Variants in TNXB observed in about 807,000 individuals in gnomAD.
TNXB encodes the protein tenascin XB.
A neutral mutation model predicts 340.5 loss-of-function variants in TNXB; 183 were observed. That is an observed-to-expected ratio of 0.54 (90% CI 0.48 to 0.61). The LOEUF is 0.61. Ranked by LOEUF, TNXB falls within the 20% of genes least tolerant of loss-of-function variation. The pLI is 0.00. For missense variants in TNXB, 4,613 were observed against 5,446.4 expected (o/e 0.85, Z 4.82); for synonymous variants, 2,121 against 2,314.5 (o/e 0.92, Z 2.40).
At chr6:32,043,382 C>T in intron 36 of TNXB, 55 bp downstream of exon 36, 2 of 450,634 alleles carry the variant, frequency 4.4e-6, no homozygotes, top group South Asian at 2.2e-5. Flanking sequence ...TCCAGCCTCC[C>T]CCCTGCAATC....
chr6:32,055,029 C>G (rs1294711277), intron 24 of TNXB, among the ~76,000 whole-genome samples: 1 of 152,234 alleles, frequency 6.6e-6, no homozygotes, highest in African/African-American at 2.4e-5. Context: ...ATCACCCATC[C>G]AGCTAATCTG....
intron 21 of TNXB, among the ~76,000 whole-genome samples, chr6:32,060,293 T>C (rs1357278118): frequency 4.8e-5 from 7 of 145,004 alleles, no homozygotes; most frequent in East Asian, 2.2e-4. Flanking sequence ...GATCATGCCA[T>C]TGCACTCCAG....
chr6:32,105,733 A>G (rs1223940653), intron 1 of TNXB, among the ~76,000 whole-genome samples: 1 of 152,228 alleles, frequency 6.6e-6, no homozygotes, highest in East Asian at 1.9e-4. Context: ...GCAGGACCAG[A>G]TGGTACAAGC....
intron 6 of TNXB, 123 bp downstream of exon 6, chr6:32,088,661 CG>C: frequency 7.2e-7 from 1 of 1,387,006 alleles, no homozygotes; most frequent in Non-Finnish European, 9.7e-7. Flanking sequence ...GCAGGTGCCT[CG>C]AGACTGCCAC....
chr6:32,041,523 T>G (rs1048992578), intron 43 of TNXB, 73 bp from the exon 44 acceptor site: 1 of 1,180,386 alleles, frequency 8.5e-7, no homozygotes, highest in Non-Finnish European at 1.2e-6. Context: ...CTTAAGGAGG[T>G]AGCTCCCAGC....
chr6:32,083,958 G>C lies in TNXB; in HGVS notation c.3445+455C>G, dbSNP rs1779621753. ...ATTATAGGCAGGATCAACCCTGCTA[G>C]CCTTTACCAGCTCTTAACTCACTTC... On this transcript the variant is annotated intron_variant, in intron 8 of 43. Transcript: ENST00000644971. This position sits in a 1 kb window ranked among gnomAD's most constrained non-coding sequence, Gnocchi z 4.6. Among the ~76,000 whole-genome samples the C allele has an allele frequency of 6.6e-6, 1 of 152,164 alleles. No homozygotes were observed. The highest frequency in any genetic ancestry group is 1.5e-5 in the Non-Finnish European group (1 of 68,022).
rs1239313362 is a variant in TNXB, at chr6:32,097,046, G to A, written c.807C>T (p.Gly269=). ...TCATGCCACAGTCGTCACCAGTGTA[G>A]CCTGGGTCACACACGCAGCGCCCAC... is the stretch of plus-strand genomic sequence containing the variant. The part of the protein sequence containing the change: ...CEGGRCVCDP[G]YTGDDCGMRS... The change falls in exon 3 of 44, where the codon GGC becomes GGT. Residue 269 remains glycine (G), a synonymous_variant. Coordinates refer to ENST00000644971, the MANE Select transcript of TNXB (RefSeq NM_001365276.2). This position sits in a 1 kb window ranked among gnomAD's most constrained non-coding sequence, Gnocchi z 5.9. The A allele has an allele frequency of 1.9e-6, 3 of 1,613,354 alleles. No homozygotes were observed. In the Admixed American group the frequency reaches 5.0e-5, roughly 27 times the overall value.
At chr6:32,102,514 T>G (rs1780769843) in intron 1 of TNXB, among the ~76,000 whole-genome samples, 1 of 152,052 alleles carries the variant, frequency 6.6e-6, no homozygotes, top group African/African-American at 2.4e-5. Context: ...GAGTAAAAAA[T>G]ATCACACACA....
Position 32,058,057 on chromosome 6 carries a change from C to A in TNXB, c.7825+1G>T, listed in dbSNP as rs1470101620. On this transcript the variant is annotated splice_donor_variant, in intron 22 of 43. Transcript: ENST00000644971. LOFTEE classifies it high-confidence loss of function. The surrounding 1 kb of genome is among the most constrained non-coding windows in gnomAD (Gnocchi z 5.1). ...ACCCTGCCCCACCCACACTCACTCA[C>A]CTGTGACGCCCACGGCAGACACCGG... is the stretch of plus-strand genomic sequence containing the variant. The A allele has an allele frequency of 6.2e-7, 1 of 1,606,468 alleles. No homozygotes were observed.
rs1777376640 is a variant in TNXB at position 32,052,871 on chromosome 6, A to G, written c.8914T>C (p.Trp2972Arg). 8 of 1,613,074 alleles carry G rather than the reference A, an allele frequency of 5.0e-6. No homozygotes were observed. The highest frequency in any genetic ancestry group is 5.9e-6 in the Non-Finnish European group (7 of 1,179,876). The change falls in exon 26 of 44, where the codon TGG becomes CGG. Residue 2972 changes from tryptophan to arginine, a missense_variant. Trp to Arg is a moderately radical substitution (Grantham distance 101, BLOSUM62 -3). Around this residue, in one of 7 missense-constraint regions of TNXB, gnomAD observed 4,327 missense variants for 4,859.4 expected, o/e 0.89. Coordinates refer to ENST00000644971, the MANE Select transcript of TNXB (RefSeq NM_001365276.2). The surrounding 1 kb of genome is among the most constrained non-coding windows in gnomAD (Gnocchi z 4.7). ...GSSPDSLSLS[W>R]TIPQGRFDSF... Reference sequence around the variant, plus strand: ...TCGAAGCGGCCCTGGGGGATGGTCCAGGAGAGGCTCAGCGAGTCAGGGGAG... The same window carrying G: ...TCGAAGCGGCCCTGGGGGATGGTCCGGGAGAGGCTCAGCGAGTCAGGGGAG...
At position 32,066,315 on chromosome 6, in the gene TNXB, G is replaced by C. The variant is rs143955534; in HGVS notation, c.6545-1198C>G. The stretch of plus-strand genomic sequence containing the variant: ...GGGCTGAGATGGGAGGATGGCTTGA[G>C]CCCAGGAGTCTGGGGCTGCAGTGAG... On this transcript the variant is annotated intron_variant, in intron 18 of 43. Transcript: ENST00000644971. Among the ~76,000 whole-genome samples, 40 of 152,288 alleles carry C rather than the reference G, an allele frequency of 2.6e-4. No homozygotes were observed. In the East Asian group the frequency reaches 7.3e-3, roughly 28 times the overall value.
rs571291130 is a variant in TNXB at position 32,064,968 on chromosome 6, C to A, written c.6694G>T (p.Asp2232Tyr). 6.2e-7 allele frequency: 1 copy of A among 1,612,766 alleles called. No homozygotes were observed. The highest frequency in any genetic ancestry group is 8.5e-7 in the Non-Finnish European group (1 of 1,179,800). Residue 2232 changes from aspartate (D) to tyrosine (Y), a missense_variant, in exon 19 of 44, where the codon GAC becomes TAC. Transcript: ENST00000644971. The surrounding 1 kb of genome is among the most constrained non-coding windows in gnomAD (Gnocchi z 5.3). Reference protein sequence around the residue: ...DHFLVQFKNGDGQPKAVRVPG... With the variant: ...DHFLVQFKNGYGQPKAVRVPG... ...ACCCGCACCGCCTTGGGCTGCCCGT[C>A]CCCATTCTTAAACTGGACCAAGAAA... is the stretch of plus-strand genomic sequence containing the variant.
intron 1 of TNXB, among the ~76,000 whole-genome samples, chr6:32,102,495 C>T (rs1780768216): frequency 6.6e-6 from 1 of 152,174 alleles, no homozygotes; most frequent in African/African-American, 2.4e-5. Flanking sequence ...ATTTCACACA[C>T]ATAGTGCTGA....
At position 32,095,982 on chromosome 6, in the gene TNXB, T is replaced by G. The variant is rs1042697787; in HGVS notation, c.1871A>C (p.Asn624Thr). The stretch of plus-strand genomic sequence containing the variant: ...CTCACAGCGGCCCCTCCCGTGGCAG[T>G]TGGAGGGGCAGGTGCGGATGCTGCA... ...EDCSIRTCPSNCHGRGRCEEG... is the reference protein window; with the variant it reads ...EDCSIRTCPSTCHGRGRCEEG... Residue 624 changes from asparagine to threonine, a missense_variant, in exon 3 of 44, where the codon AAC becomes ACC. Around this residue, in one of 7 missense-constraint regions of TNXB, gnomAD observed 4,327 missense variants for 4,859.4 expected, o/e 0.89. Coordinates refer to ENST00000644971, the MANE Select transcript of TNXB (RefSeq NM_001365276.2). The G allele has an allele frequency of 2.9e-5, 47 of 1,612,902 alleles. No individual in the cohort carries two copies. Among genetic ancestry groups the G allele is most frequent in the Non-Finnish European group, 3.9e-5 (46 of 1,179,750 alleles).
In TNXB at chr6:32,069,852, C is replaced by T. The variant is rs778592816; in HGVS notation, c.5288G>A (p.Ser1763Asn). The change falls in exon 15 of 44, where the codon AGT becomes AAT. Residue 1763 changes from serine (S) to asparagine (N), a missense_variant. Around this residue, in one of 7 missense-constraint regions of TNXB, gnomAD observed 4,327 missense variants for 4,859.4 expected, o/e 0.89. Transcript: ENST00000644971. This position sits in a 1 kb window ranked among gnomAD's most constrained non-coding sequence, Gnocchi z 6.2. ...CTTTGTTCCAGTATCATCCATAGCA[C>T]TCCGGGCTTCTGAGATGGAGACACG... Reference protein sequence around the residue: ...LTADGTTEARSAMDDTGTKRP... With the variant: ...LTADGTTEARNAMDDTGTKRP... 4 of 1,587,924 alleles carry T rather than the reference C, an allele frequency of 2.5e-6. No homozygotes were observed. In the Admixed American group the frequency reaches 7.0e-5, roughly 28 times the overall value.
chr6:32,104,640 T>A (rs1002993576), intron 1 of TNXB, among the ~76,000 whole-genome samples: 7 of 152,232 alleles, frequency 4.6e-5, no homozygotes, highest in Admixed American at 4.6e-4. Flanking sequence ...CTGCTTTTTT[T>A]TTCTTTTTTT....
rs1179608510 is a variant in TNXB at position 32,079,741 on chromosome 6, G to C, written c.4043-376C>G. 1.3e-5 allele frequency among the ~76,000 whole-genome samples: 2 copies of C among 152,194 alleles called. No individual in the cohort carries two copies. The highest frequency in any genetic ancestry group is 2.9e-5 in the Non-Finnish European group (2 of 68,026). Reference sequence around the variant, plus strand: ...TGCCCCACCCCTCATATGAGGATCTGACCATGGAATGTGCTCTTGCTGTGG... The same window carrying C: ...TGCCCCACCCCTCATATGAGGATCTCACCATGGAATGTGCTCTTGCTGTGG... On this transcript the variant is annotated intron_variant, in intron 10 of 43. Transcript: ENST00000644971. The surrounding 1 kb of genome is among the most constrained non-coding windows in gnomAD (Gnocchi z 7.1).
Position 32,062,260 on chromosome 6 carries a change from C to T in TNXB, c.7065G>A (p.Arg2355=), listed in dbSNP as rs567621235. Residue 2355 remains arginine, a synonymous_variant, in exon 20 of 44, where the codon AGG becomes AGA. Coordinates refer to ENST00000644971, the MANE Select transcript of TNXB (RefSeq NM_001365276.2). The surrounding 1 kb of genome is among the most constrained non-coding windows in gnomAD (Gnocchi z 4.3). ...KATRVPGHED[R]VTISGLEPDN... The stretch of plus-strand genomic sequence containing the variant: ...CTGGCTCCAGGCCGGAGATGGTGAC[C>T]CTGTCCTCATGTCCTGGCACCCGTG... 1.2e-6 allele frequency: 2 copies of T among 1,613,328 alleles called. No individual in the cohort carries two copies. Among genetic ancestry groups the T allele is most frequent in the South Asian group, 2.2e-5 (2 of 91,080 alleles).
Position 32,050,135 on chromosome 6 carries a change from G to A in TNXB, c.9302C>T (p.Pro3101Leu), listed in dbSNP as rs1457335267. Residue 3101 changes from proline to leucine, a missense_variant, in exon 27 of 44, where the codon CCC becomes CTC. Pro to Leu is a moderately conservative substitution (Grantham distance 98, BLOSUM62 -3). Around this residue, in one of 7 missense-constraint regions of TNXB, gnomAD observed 4,327 missense variants for 4,859.4 expected, o/e 0.89. Transcript: ENST00000644971. Reference sequence around the variant, plus strand: ...GTGCCCCGGCACCCGCACCGCCTTGGGCTGCCCATCCCCATTCCTGTACTG... The same window carrying A: ...GTGCCCCGGCACCCGCACCGCCTTGAGCTGCCCATCCCCATTCCTGTACTG... ...LVQYRNGDGQ[P>L]KAVRVPGHED... is the part of the protein sequence containing the mutation. The A allele has an allele frequency of 2.5e-6, 4 of 1,613,704 alleles. No individual in the cohort carries two copies. In the African/African-American group the frequency reaches 4.0e-5, roughly 16 times the overall value.
Sources: allele counts gnomAD v4.1 joint callset (sites outside exome capture counted in the v4.1 genomes callset), GRCh38; gene constraint gnomAD v4.1.1; regional missense constraint gnomAD v4.1.1; non-coding constraint Gnocchi (gnomAD v3.1); transcripts MANE v1.5; gene names NCBI Gene and HGNC (gene_info 2026-07-23, HGNC 2026-07-21).